FRMPD4: variants seen among roughly 807,000 people sequenced by gnomAD.
The protein encoded by FRMPD4 is FERM and PDZ domain-containing protein 4.
In FRMPD4, 22 loss-of-function variants were observed where a neutral mutation model predicts 94.1. The observed-to-expected ratio is 0.23, with a 90% CI of 0.17 to 0.33. The LOEUF (loss-of-function observed/expected upper bound fraction) is 0.33. FRMPD4 is among the 10% of genes least tolerant of loss of function. The pLI, the probability that FRMPD4 is intolerant of heterozygous loss-of-function variation, is 1.00. For missense variants in FRMPD4, 1,111 were observed against 1,339.9 expected (o/e 0.83, Z 2.67); for synonymous variants, 631 against 548.6 (o/e 1.15, Z -2.10).
intron 1 of FRMPD4, among the ~76,000 whole-genome samples, chrX:12,374,431 G>A (rs1183254119): frequency 7.2e-5 from 8 of 111,774 alleles, no homozygotes; most frequent in African/African-American, 2.3e-4. Flanking sequence ...CCCTAGCCCC[G>A]CCAGGCCCCT....
At position 12,609,740 on chromosome X, in the gene FRMPD4, C is replaced by T; in HGVS notation, c.178C>T (p.Pro60Ser). Residue 60 changes from proline (P) to serine (S), a missense_variant, in exon 3 of 17, where the codon CCT becomes TCT. Pro to Ser is a moderately conservative substitution (Grantham distance 74). This residue lies in a region of FRMPD4 where 140 missense variants were observed against 165.9 expected (regional missense o/e 0.84). Coordinates refer to ENST00000675598, the MANE Select transcript of FRMPD4 (RefSeq NM_001368397.1). The part of the protein sequence containing the change: ...YFINHMTQAI[P>S]FDDPRLESCQ... ...CCACAGTCACATGACACAGGCAATC[C>T]CTTTTGACGACCCTCGGTTAGAGAG... 8.3e-7 allele frequency: 1 copy of T among 1,208,621 alleles called. No homozygotes were observed. The highest frequency in any genetic ancestry group is 1.1e-6 in the Non-Finnish European group (1 of 892,554).
At chrX:11,932,781 T>A (rs1325047208) in intron 3 of FRMPD4, among the ~76,000 whole-genome samples, 2 of 111,237 alleles carry the variant, frequency 1.8e-5, no homozygotes, top group African/African-American at 6.5e-5. Context: ...CTCCTCTGTC[T>A]AGAACTCACA....
At chrX:12,155,975 A>G (rs1408577097) in intron 1 of FRMPD4, among the ~76,000 whole-genome samples, 1 of 112,443 alleles carries the variant, frequency 8.9e-6, no homozygotes, top group Admixed American at 9.4e-5. Context: ...TATATGGCAC[A>G]TAAAGCTTAA....
intron 3 of FRMPD4, among the ~76,000 whole-genome samples, chrX:11,951,573 A>C (rs2054223693): frequency 1.8e-5 from 2 of 111,785 alleles, no homozygotes; most frequent in South Asian, 7.6e-4. Flanking sequence ...GGGGAACAAC[A>C]GACGCTGGGG....
At chrX:12,486,774 G>T (rs905022599) in intron 1 of FRMPD4, among the ~76,000 whole-genome samples, 6 of 112,022 alleles carry the variant, frequency 5.4e-5, no homozygotes, top group Non-Finnish European at 1.1e-4. Context: ...ATTATGTTTG[G>T]ACATGAAAAG....
At position 12,138,507 on chromosome X, in the gene FRMPD4, C is replaced by A. The variant is rs886390816; in HGVS notation, c.-465C>A. 1.4e-3 allele frequency: 256 copies of A among 187,714 alleles called. 1 individual carries two copies. The highest frequency in any genetic ancestry group is 1.4e-3 in the Non-Finnish European group (143 of 102,019). 15.5% of individuals were successfully genotyped at this position (187,714 alleles called of 1,213,427 possible). ...GCTGCGAGGGGTGCGTGCGCGTGTG[C>A]CCAGCTCGCCTGCCGTCTCCCGGCT... On this transcript the variant is annotated 5_prime_UTR_variant, in exon 1 of 17. Transcript: ENST00000675598.
chrX:11,871,712 G>A (rs1372869572), intron 2 of FRMPD4, among the ~76,000 whole-genome samples: 1 of 112,022 alleles, frequency 8.9e-6, no homozygotes, highest in Non-Finnish European at 1.9e-5. Flanking sequence ...TGGCTTAGAA[G>A]ATGCAAAATG....
chrX:12,293,449 G>T (rs1461086584), intron 1 of FRMPD4, among the ~76,000 whole-genome samples: 1 of 112,575 alleles, frequency 8.9e-6, no homozygotes, highest in Non-Finnish European at 1.9e-5. Context: ...AGAAACACTG[G>T]ATTCTTTCTA....
chrX:11,847,658 TTAAGAAAATG>T, intron 1 of FRMPD4, among the ~76,000 whole-genome samples: 1 of 109,212 alleles, frequency 9.2e-6, no homozygotes, highest in Middle Eastern at 4.7e-3. Flanking sequence ...AAAGACTGGA[TTAAGAAAATG>T]TGGCACATAT....
At chrX:11,934,534 C>T (rs1385947095) in intron 3 of FRMPD4, among the ~76,000 whole-genome samples, 1 of 111,814 alleles carries the variant, frequency 8.9e-6, no homozygotes, top group African/African-American at 3.2e-5. Context: ...GTAAAGAGAG[C>T]ATTTTGGGGA....
chrX:12,507,530 A>G (rs927611259), intron 2 of FRMPD4, among the ~76,000 whole-genome samples: 2 of 112,425 alleles, frequency 1.8e-5, no homozygotes, highest in African/African-American at 3.2e-5. Context: ...GCCCATTCTT[A>G]TATTTTTAAT....
chrX:12,557,177 G>A (rs896227850), intron 2 of FRMPD4, among the ~76,000 whole-genome samples: 1 of 111,690 alleles, frequency 9.0e-6, no homozygotes, highest in Non-Finnish European at 1.9e-5. Flanking sequence ...ATGGGGTTCA[G>A]AAGTTTATAT....
At chrX:12,505,876 G>A (rs781450288) in intron 2 of FRMPD4, among the ~76,000 whole-genome samples, 3 of 111,817 alleles carry the variant, frequency 2.7e-5, no homozygotes, top group Admixed American at 9.5e-5. Flanking sequence ...CTTGAATAAA[G>A]CCTTGTTATC....
chrX:12,507,208 G>A, intron 2 of FRMPD4, among the ~76,000 whole-genome samples: 1 of 112,341 alleles, frequency 8.9e-6, no homozygotes, highest in East Asian at 2.8e-4. Context: ...TCAAGGATAG[G>A]TTTTCTCATA....
chrX:12,669,188 G>A (rs536934339), intron 4 of FRMPD4, among the ~76,000 whole-genome samples: 6 of 111,770 alleles, frequency 5.4e-5, no homozygotes, highest in South Asian at 3.8e-4. Context: ...AAGTTGCCAC[G>A]TTGGTGAGAT....
chrX:12,176,011 G>T (rs2056290470), intron 1 of FRMPD4, among the ~76,000 whole-genome samples: 1 of 112,071 alleles, frequency 8.9e-6, no homozygotes, highest in African/African-American at 3.2e-5. Flanking sequence ...AAAATAAAGA[G>T]CCCTGACTTA....
chrX:12,040,965 C>G (rs373956072), intron 3 of FRMPD4, among the ~76,000 whole-genome samples: 69 of 110,481 alleles, frequency 6.2e-4, no homozygotes, highest in African/African-American at 2.2e-3. Context: ...AAAAATTTCC[C>G]CATTGTTTTC....
chrX:12,116,674 C>G (rs1313413450), intron 3 of FRMPD4, among the ~76,000 whole-genome samples: 2 of 111,758 alleles, frequency 1.8e-5, no homozygotes, highest in Admixed American at 1.9e-4. Flanking sequence ...TCATGGGACT[C>G]AAGTTAGAAA....
chrX:12,325,425 C>T (rs1243824618), intron 1 of FRMPD4, among the ~76,000 whole-genome samples: 1 of 112,353 alleles, frequency 8.9e-6, no homozygotes, highest in Non-Finnish European at 1.9e-5. Context: ...TTGTTGTATT[C>T]ATGGAAAGTA....
Sources: gnomAD v4.1 joint callset for allele counts (sites outside exome capture counted in the v4.1 genomes callset) on GRCh38, gnomAD v4.1.1 for gene constraint, gnomAD v4.1.1 regional missense constraint, MANE v1.5 for transcripts, NCBI Gene and HGNC (gene_info 2026-07-23, HGNC 2026-07-21) for gene names.